CAMKMT: variants seen among roughly 807,000 people sequenced by gnomAD.
The protein encoded by CAMKMT is calmodulin-lysine N-methyltransferase.
A neutral mutation model predicts 48.0 loss-of-function variants in CAMKMT; 53 were observed. The ratio of observed to expected loss-of-function variants is 1.10; its 90% CI spans 0.89 to 1.39. CAMKMT has a LOEUF of 1.39. Ranked by LOEUF, CAMKMT falls within the 40% of genes most tolerant of loss-of-function variation. The pLI, the probability that CAMKMT is intolerant of heterozygous loss-of-function variation, is 0.00. For synonymous variants in CAMKMT, 165 were observed against 152.3 expected, an observed-to-expected ratio of 1.08 and a Z score of -0.61; for missense variants, 428 against 402.7, an observed-to-expected ratio of 1.06 and a Z score of -0.54.
intron 7 of CAMKMT, among the ~76,000 whole-genome samples, chr2:44,734,098 T>C (rs1679227730): frequency 6.6e-6 from 1 of 152,040 alleles, no homozygotes; most frequent in Non-Finnish European, 1.5e-5. Context: ...CTTCTTTTTT[T>C]TTTTCTGGTC....
chr2:44,581,256 T>G (rs1254107716), intron 3 of CAMKMT, among the ~76,000 whole-genome samples: 1 of 152,212 alleles, frequency 6.6e-6, no homozygotes, highest in Non-Finnish European at 1.5e-5. Flanking sequence ...GAAACCTTTA[T>G]GTATATAGCT....
intron 3 of CAMKMT, among the ~76,000 whole-genome samples, chr2:44,482,701 CT>C (rs1196859346): frequency 6.6e-6 from 1 of 151,964 alleles, no homozygotes; most frequent in African/African-American, 2.4e-5. Context: ...TAGGAGGGCC[CT>C]TTTTTTCACA....
chr2:44,436,939 C>A (rs1256154760), intron 3 of CAMKMT, among the ~76,000 whole-genome samples: 1 of 152,140 alleles, frequency 6.6e-6, no homozygotes, highest in Non-Finnish European at 1.5e-5. Flanking sequence ...CTTTTTGAAA[C>A]ACTTCATTTC....
At chr2:44,567,278 T>C (rs1011941485) in intron 3 of CAMKMT, among the ~76,000 whole-genome samples, 3 of 152,178 alleles carry the variant, frequency 2.0e-5, no homozygotes, top group Non-Finnish European at 4.4e-5. Flanking sequence ...GTTGGGCTCA[T>C]GTGACATATG....
intron 3 of CAMKMT, among the ~76,000 whole-genome samples, chr2:44,505,091 T>C (rs1469225121): frequency 6.6e-6 from 1 of 152,144 alleles, no homozygotes; most frequent in Non-Finnish European, 1.5e-5. Flanking sequence ...GCAAGGATGA[T>C]ACCAAGCCAT....
chr2:44,616,748 T>G (rs956023960), intron 3 of CAMKMT, among the ~76,000 whole-genome samples: 1 of 152,136 alleles, frequency 6.6e-6, no homozygotes, highest in African/African-American at 2.4e-5. Context: ...TTTCTGAACT[T>G]TATGTGTTGC....
chr2:44,719,975 T>C (rs1678373996), intron 7 of CAMKMT, among the ~76,000 whole-genome samples: 1 of 152,188 alleles, frequency 6.6e-6, no homozygotes, highest in African/African-American at 2.4e-5. Flanking sequence ...GATGCCACAC[T>C]CCTGTTTCCT....
Position 44,659,459 on chromosome 2 carries a change from G to T in CAMKMT, c.377-44824G>T, listed in dbSNP as rs34209828. 4.0e-5 allele frequency among the ~76,000 whole-genome samples: 6 copies of T among 151,352 alleles called. No homozygotes were observed. In the East Asian group the frequency reaches 1.2e-3, roughly 29 times the overall value. ...AAAAAGTGGCGGAGGGCGGAGTTCA[G>T]TGGGTCATGCCTATAATCCCAGCCC... is the stretch of plus-strand genomic sequence containing the variant. On this transcript the variant is annotated intron_variant, in intron 3 of 10. Transcript: ENST00000378494.
At chr2:44,659,802 A>G (rs1281425568) in intron 3 of CAMKMT, among the ~76,000 whole-genome samples, 4 of 152,144 alleles carry the variant, frequency 2.6e-5, no homozygotes, top group African/African-American at 7.2e-5. Context: ...ATACTCATCT[A>G]TAGAGTTATT....
chr2:44,418,553 C>T (rs950691534), intron 3 of CAMKMT, among the ~76,000 whole-genome samples: 9 of 152,128 alleles, frequency 5.9e-5, no homozygotes, highest in African/African-American at 2.2e-4. Flanking sequence ...ATCATTTACC[C>T]AAATACGTGT....
At chr2:44,574,561 A>G (rs1385499744) in intron 3 of CAMKMT, among the ~76,000 whole-genome samples, 2 of 152,108 alleles carry the variant, frequency 1.3e-5, no homozygotes, top group African/African-American at 4.8e-5. Context: ...GAGAGGGGCA[A>G]TCTAAGATGA....
intron 3 of CAMKMT, among the ~76,000 whole-genome samples, chr2:44,543,534 C>T (rs1375598398): frequency 1.3e-5 from 2 of 152,158 alleles, no homozygotes; most frequent in African/African-American, 2.4e-5. Flanking sequence ...ATGTAAACAT[C>T]AGCTGAGATT....
intron 1 of CAMKMT, chr2:44,369,833 C>A (rs1248392505): frequency 6.6e-6 from 1 of 152,192 alleles, no homozygotes; most frequent in Non-Finnish European, 1.5e-5. Context: ...AGTATCTTTA[C>A]AACTATTCTA....
intron 3 of CAMKMT, among the ~76,000 whole-genome samples, chr2:44,696,981 GA>G (rs1348609699): frequency 2.0e-5 from 3 of 151,890 alleles, no homozygotes; most frequent in Non-Finnish European, 4.4e-5. Context: ...ACATTTCCAA[GA>G]AAGTAGAAAA....
At chr2:44,743,512 A>G (rs1679792028) in intron 7 of CAMKMT, 110 bp from the exon 8 acceptor site, 2 of 723,444 alleles carry the variant, frequency 2.8e-6, no homozygotes, top group Non-Finnish European at 4.8e-6. Context: ...AATAATTTGT[A>G]TATACCTTTT....
At chr2:44,473,143 C>A (rs1424375394) in intron 3 of CAMKMT, among the ~76,000 whole-genome samples, 1 of 152,098 alleles carries the variant, frequency 6.6e-6, no homozygotes, top group Non-Finnish European at 1.5e-5. Context: ...AATGGTATGA[C>A]CTGCTATCAA....
At chr2:44,616,314 G>T (rs1353095666) in intron 3 of CAMKMT, among the ~76,000 whole-genome samples, 1 of 152,154 alleles carries the variant, frequency 6.6e-6, no homozygotes, top group Admixed American at 6.5e-5. Flanking sequence ...TCCTAAGATA[G>T]TTAGTCACGT....
Position 44,463,076 on chromosome 2 carries a change from C to G in CAMKMT, c.376+72771C>G, listed in dbSNP as rs1667930696. On this transcript the variant is annotated intron_variant, in intron 3 of 10. Transcript: ENST00000378494. The stretch of plus-strand genomic sequence containing the variant: ...TCTGCCAGAAGGCCACAGTATCAAT[C>G]TTATTGTAGTATTGTAGTACTTACA... Among the ~76,000 whole-genome samples the G allele has an allele frequency of 2.6e-5, 4 of 152,206 alleles. No homozygotes were observed. The South Asian group carries it at 8.3e-4, about 32-fold the overall frequency.
intron 3 of CAMKMT, among the ~76,000 whole-genome samples, chr2:44,579,607 G>C (rs781331191): frequency 1.2e-4 from 18 of 152,314 alleles, no homozygotes; most frequent in Non-Finnish European, 2.5e-4. Context: ...GCCCACAAAA[G>C]GTTTTTGGTT....
Sources: allele counts gnomAD v4.1 joint callset (sites outside exome capture counted in the v4.1 genomes callset), GRCh38; gene constraint gnomAD v4.1.1; transcripts MANE v1.5; gene names NCBI Gene and HGNC (gene_info 2026-07-23, HGNC 2026-07-21).